PFKFB3: variants seen among roughly 807,000 people sequenced by gnomAD.
The protein encoded by PFKFB3 is 6-phosphofructo-2-kinase/fructose-2,6-biphosphatase 3, also known as 6-phosphofructo-2-kinase/fructose-2,6-bisphosphatase 3.
PFKFB3 carries 33 observed loss-of-function variants against 68.0 expected under a neutral mutation model. The observed-to-expected ratio is 0.49, with a 90% confidence interval of 0.37 to 0.65. PFKFB3 has a LOEUF of 0.65. PFKFB3 is among the 30% of genes least tolerant of loss of function. The pLI is 0.00. For missense variants in PFKFB3, 586 were observed against 712.2 expected (o/e 0.82, Z 2.02); for synonymous variants, 315 against 288.2 (o/e 1.09, Z -0.94).
chr10:6,179,686 G>A (rs1485815573), intron 1 of PFKFB3, among the ~76,000 whole-genome samples: 1 of 152,194 alleles, frequency 6.6e-6, no homozygotes, highest in Non-Finnish European at 1.5e-5. Flanking sequence ...GGGCTGTGTT[G>A]CACTGGTAAA....
chr10:6,260,608 C>T, the PFKFB3 span, among the ~76,000 whole-genome samples: 5 of 152,034 alleles, frequency 3.3e-5, no homozygotes, highest in Admixed American at 6.6e-5. Flanking sequence ...AGTTTTCTTT[C>T]GCCTGTTTGT....
chr10:6,279,611 C>T, the PFKFB3 span, among the ~76,000 whole-genome samples: 1 of 152,240 alleles, frequency 6.6e-6, no homozygotes, highest in African/African-American at 2.4e-5. Context: ...GAATGTCTCT[C>T]CGTCTCTCCG....
intron 1 of PFKFB3, among the ~76,000 whole-genome samples, chr10:6,193,987 A>T (rs919120572): frequency 6.8e-6 from 1 of 146,172 alleles, no homozygotes; most frequent in East Asian, 1.9e-4. Context: ...GTCACTGGGG[A>T]TATGATGGCT....
At chr10:6,146,311 G>A in intron 1 of PFKFB3, 1 of 1,519,812 alleles carries the variant, frequency 6.6e-7, no homozygotes, top group South Asian at 1.2e-5. Flanking sequence ...GGGTGCCTAG[G>A]TATCAGCGTG....
chr10:6,261,092 G>A, the PFKFB3 span, among the ~76,000 whole-genome samples: 4 of 152,334 alleles, frequency 2.6e-5, no homozygotes, highest in East Asian at 5.8e-4. Context: ...CTGATGGTAC[G>A]TAGTGGTGGT....
the PFKFB3 span, among the ~76,000 whole-genome samples, chr10:6,273,415 G>T: frequency 6.6e-6 from 1 of 152,034 alleles, no homozygotes. Context: ...GATCCCCGCC[G>T]CCATGCAACC....
chr10:6,144,936 C>A lies in PFKFB3; in HGVS notation c.-62C>A, dbSNP rs948354984. ...CAGGCGCCCCGAGTCGCGGGGCTGC[C>A]GCTTGGACGTCGTCCTGTCTGGGTG... On this transcript the variant is annotated 5_prime_UTR_variant, in exon 1 of 15. Coordinates refer to the PFKFB3 transcript ENST00000379789. 9.0e-6 allele frequency: 11 copies of A among 1,221,840 alleles called. No homozygotes were observed. The Admixed American group carries it at 4.3e-4, about 47-fold the overall frequency. 75.7% of individuals were successfully genotyped at this position (1,221,840 alleles called of 1,614,324 possible).
At chr10:6,179,589 G>A (rs931579353) in intron 1 of PFKFB3, among the ~76,000 whole-genome samples, 3 of 152,144 alleles carry the variant, frequency 2.0e-5, no homozygotes, top group Non-Finnish European at 2.9e-5. Context: ...CATGGGGGTC[G>A]TCGAAGGACG....
chr10:6,286,154 T>C, the PFKFB3 span, among the ~76,000 whole-genome samples: 2 of 151,930 alleles, frequency 1.3e-5, no homozygotes, highest in African/African-American at 4.8e-5. Flanking sequence ...TTTTTTTGTA[T>C]TTTTAGTAGA....
chr10:6,305,538 G>A, the PFKFB3 span, among the ~76,000 whole-genome samples: 4 of 152,130 alleles, frequency 2.6e-5, no homozygotes, highest in African/African-American at 7.2e-5. Context: ...ATGCTTAGCC[G>A]TTCCTTGCAC....
At chr10:6,214,513 G>A (rs1844435214) in intron 2 of PFKFB3, among the ~76,000 whole-genome samples, 1 of 151,800 alleles carries the variant, frequency 6.6e-6, no homozygotes, top group African/African-American at 2.4e-5. Flanking sequence ...TAGGCACTGG[G>A]TATTTTTTTT....
Position 6,250,570 on chromosome 10 carries a change from C to CAAA in PFKFB3, c.1516-3594_1516-3592dup, listed in dbSNP as rs34324800. ...TGGGCGACAGAGCGAGACTCGGTCT[C>CAAA]AAAAAAAAAAAAAAAAGAGGTGGGG... On this transcript the variant is annotated intron_variant, in intron 14 of 14. Transcript: ENST00000640683. Among the ~76,000 whole-genome samples the CAAA allele has an allele frequency of 1.2e-3, 152 of 122,496 alleles. 2 individuals are homozygous for CAAA. Among genetic ancestry groups the CAAA allele is most frequent in the African/African-American group, 4.0e-3 (136 of 33,764 alleles). 80.4% of individuals were successfully genotyped at this position (122,496 alleles called of 152,430 possible).
At chr10:6,221,806 C>T in intron 10 of PFKFB3, 61 bp downstream of exon 10, 3 of 1,151,640 alleles carry the variant, frequency 2.6e-6, no homozygotes, top group Non-Finnish European at 3.8e-6. Context: ...CTGTGCAGGG[C>T]TGGGCCACCC....
intron 1 of PFKFB3, among the ~76,000 whole-genome samples, chr10:6,188,377 G>A (rs547447034): frequency 8.6e-5 from 13 of 151,376 alleles, no homozygotes; most frequent in African/African-American, 3.2e-4. Flanking sequence ...AGGCTCACAA[G>A]CCTTTCATCT....
Position 6,224,154 on chromosome 10 carries a change from C to T in PFKFB3, c.1282C>T (p.Arg428Cys), listed in dbSNP as rs761670678. The T allele has an allele frequency of 1.8e-5, 29 of 1,614,086 alleles. No individual in the cohort carries two copies. Among genetic ancestry groups the T allele is most frequent in the Admixed American group, 1.0e-4 (6 of 60,004 alleles). The change falls in exon 13 of 15, where the codon CGT becomes TGT. Residue 428 changes from arginine to cysteine, a missense_variant. Coordinates refer to ENST00000379775, the MANE Select transcript of PFKFB3 (RefSeq NM_004566.4). ...LKLTPVAYGC[R>C]VESIYLNVES... ...CCCCATCCCACGCCCTCCAGGCTGC[C>T]GTGTGGAATCCATCTACCTGAACGT... is the stretch of plus-strand genomic sequence containing the variant.
At chr10:6,168,279 G>T (rs1407509450) in intron 1 of PFKFB3, among the ~76,000 whole-genome samples, 9 of 152,196 alleles carry the variant, frequency 5.9e-5, no homozygotes, top group Admixed American at 5.9e-4. Context: ...CACCCACACT[G>T]ACCATGCTTG....
At chr10:6,263,833 G>A in the PFKFB3 span, among the ~76,000 whole-genome samples, 1 of 152,144 alleles carries the variant, frequency 6.6e-6, no homozygotes, top group Non-Finnish European at 1.5e-5. Context: ...TTAAAGGCGT[G>A]TGCCACCATG....
At chr10:6,212,194 G>A (rs372693299) in intron 1 of PFKFB3, among the ~76,000 whole-genome samples, 3 of 152,364 alleles carry the variant, frequency 2.0e-5, no homozygotes, top group Admixed American at 1.3e-4. Context: ...CCGCCCAGGC[G>A]GGAGCTGGCG....
chr10:6,168,806 T>C (rs1033419630), intron 1 of PFKFB3, among the ~76,000 whole-genome samples: 11 of 152,174 alleles, frequency 7.2e-5, no homozygotes, highest in African/African-American at 1.9e-4. Context: ...TGTGGGTGAA[T>C]GTGCGCGACA....
Sources: gnomAD v4.1 joint callset for allele counts (sites outside exome capture counted in the v4.1 genomes callset) on GRCh38, gnomAD v4.1.1 for gene constraint, MANE v1.5 for transcripts, NCBI Gene and HGNC (gene_info 2026-07-23, HGNC 2026-07-21) for gene names.